ERP27: variants seen among roughly 807,000 people sequenced by gnomAD.
The protein encoded by ERP27 is endoplasmic reticulum resident protein 27.
A neutral mutation model predicts 27.7 loss-of-function variants in ERP27; 23 were observed. The ratio of observed to expected loss-of-function variants is 0.83; its 90% CI spans 0.60 to 1.18. The LOEUF is 1.18. ERP27 is among the 50% of genes most tolerant of loss of function. The probability of loss-of-function intolerance (pLI) is 0.00; values close to 1 mark genes in which losing one functional copy is unlikely to be tolerated. For missense variants in ERP27, 363 were observed against 327.9 expected, an observed-to-expected ratio of 1.11 and a Z score of -0.83; for synonymous variants, 159 against 118.3, an observed-to-expected ratio of 1.34 and a Z score of -2.23.
intron 3 of ERP27, among the ~76,000 whole-genome samples, chr12:14,927,826 T>C (rs186829171): frequency 6.6e-6 from 1 of 152,200 alleles, no homozygotes; most frequent in East Asian, 1.9e-4. Context: ...AAATAGTCTT[T>C]GGTGGAAAGG....
chr12:14,934,339 A>G (rs4763405), intron 3 of ERP27, among the ~76,000 whole-genome samples: 25,620 of 151,936 alleles, frequency 0.17, 2,510 homozygotes, highest in Admixed American at 0.24. Context: ...TTTATTATAG[A>G]TACTTGCATA....
chr12:14,935,544 T>C (rs1008083279), intron 2 of ERP27, among the ~76,000 whole-genome samples: 1 of 152,218 alleles, frequency 6.6e-6, no homozygotes, highest in Non-Finnish European at 1.5e-5. Flanking sequence ...CAACTAACTA[T>C]GTAGTGCTAC....
intron 4 of ERP27, among the ~76,000 whole-genome samples, chr12:14,917,701 C>G (rs2193356): frequency 0.6 from 90,676 of 152,088 alleles, 27,533 homozygotes; most frequent in East Asian, 0.86. Context: ...CTTCTACTAA[C>G]AGCCAGCATT....
chr12:14,926,570 G>A (rs964854367), intron 3 of ERP27, among the ~76,000 whole-genome samples: 3 of 151,720 alleles, frequency 2.0e-5, no homozygotes, highest in Non-Finnish European at 4.4e-5. Flanking sequence ...CCCTTTATTG[G>A]CTTAGAAGTT....
chr12:14,915,744 A>G, intron 5 of ERP27, 58 bp from the exon 6 acceptor site: 1 of 1,467,390 alleles, frequency 6.8e-7, no homozygotes, highest in Non-Finnish European at 9.5e-7. Flanking sequence ...CCAGGGATAA[A>G]GAGATACCTT....
At chr12:14,920,776 A>G (rs900031927) in intron 4 of ERP27, among the ~76,000 whole-genome samples, 156 bp downstream of exon 4, 1 of 152,224 alleles carries the variant, frequency 6.6e-6, no homozygotes, top group Admixed American at 6.5e-5. Flanking sequence ...AACAAGTTAA[A>G]TCTTAAAAAG....
Position 14,937,982 on chromosome 12 carries a change from G to T in ERP27, c.165C>A (p.Ala55=), listed in dbSNP as rs1863796593. Reference sequence around the variant, plus strand: ...AGAAGCCTATGACAGCCACCTCAGTGGCAGCAATGAATTCCATGGCAGCTG... The same window carrying T: ...AGAAGCCTATGACAGCCACCTCAGTTGCAGCAATGAATTCCATGGCAGCTG... The part of the protein sequence containing the change: ...DVPAAMEFIA[A]TEVAVIGFFQ... Residue 55 remains alanine, a synonymous_variant, in exon 2 of 7, where the codon GCC becomes GCA. Transcript: ENST00000266397. 2 of 1,614,070 alleles carry T rather than the reference G, an allele frequency of 1.2e-6. No homozygotes were observed. Among genetic ancestry groups the T allele is most frequent in the Non-Finnish European group, 8.5e-7 (1 of 1,179,960 alleles).
intron 4 of ERP27, among the ~76,000 whole-genome samples, chr12:14,918,228 G>A (rs905830122): frequency 6.6e-6 from 1 of 152,206 alleles, no homozygotes; most frequent in Non-Finnish European, 1.5e-5. Context: ...AGGTGGTCTA[G>A]CTCCAGAGTC....
intron 3 of ERP27, among the ~76,000 whole-genome samples, chr12:14,924,399 G>C (rs968963483): frequency 1.3e-5 from 2 of 152,162 alleles, no homozygotes; most frequent in Non-Finnish European, 2.9e-5. Flanking sequence ...ATATCCAATA[G>C]TGAAAGTGCT....
intron 3 of ERP27, chr12:14,929,156 CTT>C (rs1863659926): frequency 7.1e-7 from 1 of 1,401,984 alleles, no homozygotes; most frequent in African/African-American, 1.4e-5. Flanking sequence ...TCCCTGTACT[CTT>C]TTCCGGGCAG....
intron 3 of ERP27, among the ~76,000 whole-genome samples, chr12:14,925,564 T>A (rs1863587632): frequency 6.6e-6 from 1 of 152,154 alleles, no homozygotes. Flanking sequence ...AGTGTATTTC[T>A]TAATTTTAAA....
intron 3 of ERP27, chr12:14,929,049 TG>T (rs1863656893): frequency 6.5e-7 from 1 of 1,533,720 alleles, no homozygotes; most frequent in African/African-American, 1.4e-5. Flanking sequence ...TAACATTTGA[TG>T]TGTCTAAATG....
chr12:14,927,744 GCACACACACACA>G (rs3084565), intron 3 of ERP27, among the ~76,000 whole-genome samples: 1 of 148,216 alleles, frequency 6.7e-6, no homozygotes, highest in Non-Finnish European at 1.5e-5. Flanking sequence ...ATGCCTTCAG[GCACACACACACA>G]CACACACACA....
At chr12:14,919,450 T>C (rs1363110298) in intron 4 of ERP27, among the ~76,000 whole-genome samples, 1 of 152,118 alleles carries the variant, frequency 6.6e-6, no homozygotes, top group Non-Finnish European at 1.5e-5. Flanking sequence ...TAAGATCATC[T>C]TTTCTGGCCC....
At position 14,917,181 on chromosome 12, in the gene ERP27, C is replaced by T. The variant is rs780348588; in HGVS notation, c.573G>A (p.Gly191=). The T allele has an allele frequency of 1.2e-6, 2 of 1,614,114 alleles. No individual in the cohort carries two copies. The highest frequency in any genetic ancestry group is 3.3e-5 in the Admixed American group (2 of 60,014). ...GATATTCCCATTCTTGCCTTACCTT[C>T]CCCTGGAAGAGCTTGGCTGCCTTCT... is the stretch of plus-strand genomic sequence containing the variant. The part of the protein sequence containing the change: ...RYQKAAKLFQ[G]KILFILVDSG... The change falls in exon 5 of 7, where the codon GGG becomes GGA. Residue 191 remains glycine, a synonymous_variant. Transcript: ENST00000266397.
Position 14,925,770 on chromosome 12 carries a change from T to C in ERP27, c.334-4722A>G, listed in dbSNP as rs1028853569. 1.2e-4 allele frequency among the ~76,000 whole-genome samples: 18 copies of C among 152,274 alleles called. No homozygotes were observed. The South Asian group carries it at 3.1e-3, about 26-fold the overall frequency. ...TTCTTTTTTTAAAACCAGCTTATTT[T>C]ATTTAAAAGAGTGTTGGGGCCTGGC... On this transcript the variant is annotated intron_variant, in intron 3 of 6. Coordinates refer to ENST00000266397, the MANE Select transcript of ERP27 (RefSeq NM_152321.4).
chr12:14,936,848 C>G (rs757770884), intron 2 of ERP27, among the ~76,000 whole-genome samples: 2 of 152,052 alleles, frequency 1.3e-5, no homozygotes, highest in Non-Finnish European at 2.9e-5. Context: ...AAACTCTTTC[C>G]TTTATAAATT....
chr12:14,936,599 C>A (rs375506001), intron 2 of ERP27, among the ~76,000 whole-genome samples: 1 of 152,184 alleles, frequency 6.6e-6, no homozygotes, highest in African/African-American at 2.4e-5. Flanking sequence ...AAATGTAATC[C>A]CCATAATCCC....
rs35042193 is a variant in ERP27, at chr12:14,921,018, C to T, written c.364G>A (p.Glu122Lys). 2.3e-3 allele frequency: 3,666 copies of T among 1,614,008 alleles called. 71 individuals carry two copies. The African/African-American group carries it at 0.041, about 18-fold the overall frequency. ...VDNEQLNLEDEDIESIDATKL... is the reference protein window; with the variant it reads ...VDNEQLNLEDKDIESIDATKL... ...GTGGCATCAATGCTTTCAATGTCTTCGTCCTCTAAATTCAGTTGTTCATTG... is the reference window on the plus strand; with the variant it reads ...GTGGCATCAATGCTTTCAATGTCTTTGTCCTCTAAATTCAGTTGTTCATTG... The change falls in exon 4 of 7, where the codon GAA becomes AAA. Residue 122 changes from glutamate (E) to lysine (K), a missense_variant. By Grantham distance (56) the Glu-to-Lys change is moderately conservative. Transcript: ENST00000266397.
Sources: allele counts gnomAD v4.1 joint callset (sites outside exome capture counted in the v4.1 genomes callset), GRCh38; gene constraint gnomAD v4.1.1; transcripts MANE v1.5; gene names NCBI Gene and HGNC (gene_info 2026-07-23, HGNC 2026-07-21).